The following PLA2G4A variants were observed in gnomAD, a reference collection of about 807,000 sequenced individuals.
The protein encoded by PLA2G4A is phospholipase A2 group IVA.
PLA2G4A carries 40 observed loss-of-function variants against 81.9 expected under a neutral mutation model. The ratio of observed to expected loss-of-function variants is 0.49; its 90% CI spans 0.38 to 0.64. The LOEUF is 0.64. Among genes scored for constraint, PLA2G4A ranks in the 30% least tolerant of loss-of-function variants. The pLI is 0.00. For synonymous variants in PLA2G4A, 302 were observed against 296.9 expected (o/e 1.02, Z -0.18); for missense variants, 715 against 905.1 (o/e 0.79, Z 2.69).
chr1:186,896,807 G>A (rs1654347762), intron 5 of PLA2G4A, among the ~76,000 whole-genome samples: 1 of 152,116 alleles, frequency 6.6e-6, no homozygotes, highest in South Asian at 2.1e-4. Flanking sequence ...AGACTTCTTT[G>A]TAGTTTTATC....
intron 14 of PLA2G4A, among the ~76,000 whole-genome samples, chr1:186,965,201 T>G (rs1017528884): frequency 1.3e-5 from 2 of 152,244 alleles, no homozygotes; most frequent in African/African-American, 2.4e-5. Context: ...ATAATTACTT[T>G]TATCCTGATG....
intron 7 of PLA2G4A, among the ~76,000 whole-genome samples, chr1:186,921,744 G>A (rs371073980): frequency 6.6e-5 from 10 of 152,058 alleles, no homozygotes; most frequent in Admixed American, 3.3e-4. Context: ...GAGTTGGGTC[G>A]GACAGGACTT....
chr1:186,872,379 C>T (rs571912751), intron 3 of PLA2G4A, among the ~76,000 whole-genome samples: 5 of 152,066 alleles, frequency 3.3e-5, no homozygotes, highest in Non-Finnish European at 5.9e-5. Flanking sequence ...AAAGAGGCCA[C>T]GCTGTGTGTT....
rs184140934 is a variant in PLA2G4A, at chr1:186,935,460, G to T, written c.695+2561G>T. Among the ~76,000 whole-genome samples the T allele has an allele frequency of 1.8e-3, 266 of 150,954 alleles. 4 individuals are homozygous for T. The highest frequency in any genetic ancestry group is 4.9e-3 in the African/African-American group (203 of 41,076). ...AGTTGAGCATTTTCTAGATGTCTGA[G>T]ATGTAGGAAATAATGTAGAGGCATA... On this transcript the variant is annotated intron_variant, in intron 8 of 17. Transcript: ENST00000367466.
At chr1:186,849,677 TCA>T (rs1337125234) in intron 1 of PLA2G4A, among the ~76,000 whole-genome samples, 1 of 152,148 alleles carries the variant, frequency 6.6e-6, no homozygotes, top group East Asian at 1.9e-4. Context: ...TTTTTAGTGC[TCA>T]CCCTCAATTA....
At chr1:186,900,266 T>G (rs1654489763) in intron 5 of PLA2G4A, among the ~76,000 whole-genome samples, 1 of 152,212 alleles carries the variant, frequency 6.6e-6, no homozygotes. Flanking sequence ...TCCTCATCTG[T>G]AAAACAGGGT....
At chr1:186,934,463 T>TACACACAC (rs1553216897) in intron 8 of PLA2G4A, among the ~76,000 whole-genome samples, 68 of 143,512 alleles carry the variant, frequency 4.7e-4, no homozygotes, top group African/African-American at 1.7e-3. Context: ...TATATATATA[T>TACACACAC]ACATACACAG....
chr1:186,866,549 A>G (rs1443765089), intron 2 of PLA2G4A, among the ~76,000 whole-genome samples: 1 of 152,162 alleles, frequency 6.6e-6, no homozygotes, highest in Non-Finnish European at 1.5e-5. Context: ...TATGGTTCAC[A>G]TTCAATGAGT....
chr1:186,945,830 T>C (rs1656319280), intron 10 of PLA2G4A, among the ~76,000 whole-genome samples: 1 of 152,158 alleles, frequency 6.6e-6, no homozygotes, highest in South Asian at 2.1e-4. Context: ...TGGGAATACA[T>C]GAAACATAAA....
chr1:186,926,396 T>C (rs1038176828), intron 7 of PLA2G4A, among the ~76,000 whole-genome samples: 1 of 152,256 alleles, frequency 6.6e-6, no homozygotes, highest in Admixed American at 6.5e-5. Context: ...TGTTGCTTTT[T>C]TTGGTTTCAG....
chr1:186,882,327 T>C (rs1228471002), intron 3 of PLA2G4A, among the ~76,000 whole-genome samples: 1 of 152,164 alleles, frequency 6.6e-6, no homozygotes, highest in Non-Finnish European at 1.5e-5. Context: ...TCCCCATATT[T>C]CTTAACTGTA....
intron 3 of PLA2G4A, among the ~76,000 whole-genome samples, chr1:186,888,847 G>T (rs1263756977): frequency 5.7e-5 from 1 of 17,480 alleles, no homozygotes; most frequent in African/African-American, 6.0e-4. Context: ...CTTGGAAAAT[G>T]GTTAAAAAAA....
chr1:186,870,462 A>G lies in PLA2G4A; in HGVS notation c.61A>G (p.Thr21Ala). ...IVEHQYSHKF[T>A]VVVLRATKVT... The stretch of plus-strand genomic sequence containing the variant: ...GGAGCACCAGTATTCCCACAAGTTT[A>G]CGGTAGTGGTGTTACGTGCCACCAA... The change falls in exon 3 of 18, where the codon ACG becomes GCG. Residue 21 changes from threonine (T) to alanine (A), a missense_variant. Physicochemically the swap from Thr to Ala is moderately conservative, Grantham distance 58. Transcript: ENST00000367466. The G allele has an allele frequency of 6.2e-7, 1 of 1,610,164 alleles. No homozygotes were observed. The highest frequency in any genetic ancestry group is 8.5e-7 in the Non-Finnish European group (1 of 1,176,458).
chr1:186,919,119 A>G (rs967130013), intron 7 of PLA2G4A, among the ~76,000 whole-genome samples: 2 of 152,222 alleles, frequency 1.3e-5, no homozygotes, highest in Non-Finnish European at 1.5e-5. Context: ...TGGGGCCGAC[A>G]TAAGTTTTTC....
rs1657962324 is a variant in PLA2G4A at position 186,988,435 on chromosome 1, GCT to G, written c.2180_2181del (p.Ser727CysfsTer4). 1.2e-6 allele frequency: 2 copies of G among 1,610,880 alleles called. No individual in the cohort carries two copies. The highest frequency in any genetic ancestry group is 1.3e-5 in the African/African-American group (1 of 74,844). On this transcript the variant is annotated frameshift_variant, in exon 18 of 18. Transcript: ENST00000367466. LOFTEE classifies it high-confidence loss of function. ...TATAGAAGACAGAATCCATCTCGTT[GCT>G]CTGTTTCCCTTAGTAATGTTGAGGC...
At chr1:186,882,572 G>C (rs758031072) in intron 3 of PLA2G4A, among the ~76,000 whole-genome samples, 3 of 152,226 alleles carry the variant, frequency 2.0e-5, no homozygotes, top group Non-Finnish European at 4.4e-5. Context: ...GAATGGCTGA[G>C]AAGGGTCACT....
chr1:186,951,558 T>G (rs1656562630), intron 13 of PLA2G4A, among the ~76,000 whole-genome samples: 1 of 152,146 alleles, frequency 6.6e-6, no homozygotes. Flanking sequence ...AGTTTGAATA[T>G]GATCATCTAG....
intron 10 of PLA2G4A, 56 bp downstream of exon 10, chr1:186,940,150 A>G (rs2102220308): frequency 1.0e-6 from 1 of 952,956 alleles, no homozygotes; most frequent in Admixed American, 1.7e-5. Context: ...GCAGTTTCCC[A>G]TGGTTTTCCT....
intron 3 of PLA2G4A, among the ~76,000 whole-genome samples, chr1:186,872,142 C>G (rs147609244): frequency 2.1e-3 from 327 of 152,212 alleles, no homozygotes; most frequent in African/African-American, 7.6e-3. Flanking sequence ...CAGATGTTTA[C>G]ATTTTAAATT....
Sources: allele counts gnomAD v4.1 joint callset (sites outside exome capture counted in the v4.1 genomes callset), GRCh38; gene constraint gnomAD v4.1.1; transcripts MANE v1.5; gene names NCBI Gene and HGNC (gene_info 2026-07-23, HGNC 2026-07-21).